GSE1: variants seen among roughly 807,000 people sequenced by gnomAD.
The protein encoded by GSE1 is genetic suppressor element 1.
A neutral mutation model predicts 112.6 loss-of-function variants in GSE1; 32 were observed. The observed-to-expected ratio is 0.28, with a 90% CI of 0.21 to 0.38. The LOEUF (loss-of-function observed/expected upper bound fraction) is 0.38, where lower values mean the gene tolerates loss of function less well. Ranked by LOEUF, GSE1 falls within the 10% of genes least tolerant of loss-of-function variation. GSE1 has a pLI of 1.00. For synonymous variants in GSE1, 1,115 were observed against 735.6 expected (o/e 1.52, Z -8.35); for missense variants, 2,348 against 1,699.2 (o/e 1.38, Z -6.71).
chr16:85,552,612 G>A (rs1028265337), upstream of GSE1, among the ~76,000 whole-genome samples: 2 of 152,192 alleles, frequency 1.3e-5, no homozygotes, highest in African/African-American at 2.4e-5. Flanking sequence ...GATTACAGGC[G>A]TGAGCCACCG....
chr16:85,630,937 G>A (rs902924109), intron 1 of GSE1, among the ~76,000 whole-genome samples: 2 of 152,188 alleles, frequency 1.3e-5, no homozygotes, highest in African/African-American at 4.8e-5. Context: ...GCCTCTCCTG[G>A]GCTCATTGTG....
At chr16:85,629,413 G>T (rs1289650348) in intron 1 of GSE1, among the ~76,000 whole-genome samples, 1 of 152,160 alleles carries the variant, frequency 6.6e-6, no homozygotes, top group African/African-American at 2.4e-5. Flanking sequence ...ATGACCATAC[G>T]GTGCCCCACG....
rs2053526675 is a variant in GSE1, at chr16:85,673,789, C to T, written c.*1250C>T. The T allele has an allele frequency of 6.6e-6, 1 of 152,224 alleles. No homozygotes were observed. Among genetic ancestry groups the T allele is most frequent in the Admixed American group, 6.5e-5 (1 of 15,290 alleles). 9.4% of individuals were successfully genotyped at this position (152,224 alleles called of 1,614,324 possible). ...CCCATGTGTGACAGTCATGTGCACA[C>T]ATGGGCGGGGGCTTTTAAAAACCTT... On this transcript the variant is annotated 3_prime_UTR_variant, in exon 16 of 16. Transcript: ENST00000253458.
At chr16:85,650,367 C>T (rs1181259164) in intron 3 of GSE1, among the ~76,000 whole-genome samples, 2 of 152,180 alleles carry the variant, frequency 1.3e-5, no homozygotes, top group African/African-American at 4.8e-5. Context: ...TGGGGCCTGG[C>T]TGCTGGTGCC....
At chr16:85,635,736 G>T (rs1374401395) in intron 2 of GSE1, among the ~76,000 whole-genome samples, 3 of 152,212 alleles carry the variant, frequency 2.0e-5, no homozygotes, top group Non-Finnish European at 4.4e-5. Context: ...GTGCTACCTG[G>T]GCTGGGTTAT....
chr16:85,463,255 C>T (rs1380227946), intron 2 of GSE1: 2 of 244,968 alleles, frequency 8.2e-6, no homozygotes, highest in African/African-American at 4.6e-5. Flanking sequence ...CCAGCCCCAT[C>T]ACCTTCAGGC....
intron 2 of GSE1, among the ~76,000 whole-genome samples, chr16:85,488,943 G>A (rs1326101897): frequency 6.6e-6 from 1 of 152,050 alleles, no homozygotes; most frequent in Non-Finnish European, 1.5e-5. Flanking sequence ...CAACAGCCCT[G>A]GCCTTTCGTT....
chr16:85,410,948 G>GGT (rs1394671453), intron 2 of GSE1, among the ~76,000 whole-genome samples: 4 of 49,772 alleles, frequency 8.0e-5, no homozygotes, highest in South Asian at 7.4e-4. Context: ...TTACACTCAG[G>GGT]CCCCCGGATA....
At chr16:85,236,373 C>G (rs938698005) in intron 1 of GSE1, among the ~76,000 whole-genome samples, 3 of 152,320 alleles carry the variant, frequency 2.0e-5, no homozygotes, top group Admixed American at 2.0e-4. Context: ...TTCACATCCC[C>G]CAAGTTGCAT....
At chr16:85,638,994 C>T (rs754646689) in intron 2 of GSE1, among the ~76,000 whole-genome samples, 13 of 152,118 alleles carry the variant, frequency 8.5e-5, no homozygotes, top group African/African-American at 2.4e-4. Flanking sequence ...TTGGAGTGCC[C>T]GGGCCCCACG....
chr16:85,674,133 G>C lies in GSE1; in HGVS notation c.*1594G>C, dbSNP rs998835252. 1.3e-5 allele frequency: 2 copies of C among 152,218 alleles called. No homozygotes were observed. Among genetic ancestry groups the C allele is most frequent in the Admixed American group, 6.5e-5 (1 of 15,286 alleles). The allele number at this position is 152,218 out of a possible 1,614,324, so 9.4% of individuals were successfully genotyped here. ...GCCAGGGCTGCCAGTCACTGGTCTG[G>C]GGGGTGGAGGCCTGAGCTGAGGGCA... On this transcript the variant is annotated 3_prime_UTR_variant, in exon 16 of 16. Coordinates refer to ENST00000253458, the MANE Select transcript of GSE1 (RefSeq NM_014615.5).
intron 2 of GSE1, among the ~76,000 whole-genome samples, chr16:85,647,676 T>C (rs2050990095): frequency 6.6e-6 from 1 of 152,070 alleles, no homozygotes; most frequent in Non-Finnish European, 1.5e-5. Context: ...AACCTCCGCC[T>C]CCCGGGTTCA....
At chr16:85,582,818 AT>A (rs1166289824) in intron 1 of GSE1, among the ~76,000 whole-genome samples, 1 of 152,172 alleles carries the variant, frequency 6.6e-6, no homozygotes, top group Non-Finnish European at 1.5e-5. Flanking sequence ...CCGCCTTGTC[AT>A]TTAGCTGTTC....
chr16:85,478,851 CTTTCTTTCTTTCT>C (rs1567520227), intron 2 of GSE1, among the ~76,000 whole-genome samples: 1 of 10,730 alleles, frequency 9.3e-5, no homozygotes, highest in Non-Finnish European at 1.7e-4. Flanking sequence ...TTCTTTCTTT[CTTTCTTTCTTTCT>C]TTCTTTCTTT....
At chr16:85,463,052 C>G (rs918922592) in intron 2 of GSE1, 3 of 981,762 alleles carry the variant, frequency 3.1e-6, no homozygotes, top group South Asian at 4.7e-5. Context: ...CCTAGAGGCC[C>G]CGGGTCCCGC....
rs2045814154 is a variant in GSE1 at position 85,310,663 on chromosome 16, A to G, written c.2284-46800A>G. On this transcript the variant is annotated intron_variant, in intron 1 of 2. Transcript: ENST00000637419. ...AGCCATCCCAGGCTGGCAGGGAGGGAGGGAGGGAGCAGGAGGGCCCGCTGG... is the reference window on the plus strand; with the variant it reads ...AGCCATCCCAGGCTGGCAGGGAGGGGGGGAGGGAGCAGGAGGGCCCGCTGG... 2.6e-5 allele frequency among the ~76,000 whole-genome samples: 4 copies of G among 151,842 alleles called. No homozygotes were observed. The South Asian group carries it at 8.3e-4, about 32-fold the overall frequency.
At chr16:85,438,678 C>T (rs2049307821) in intron 2 of GSE1, among the ~76,000 whole-genome samples, 1 of 152,186 alleles carries the variant, frequency 6.6e-6, no homozygotes, top group African/African-American at 2.4e-5. Context: ...CCTCTTGGGC[C>T]TCTGTTTTTT....
At chr16:85,207,159 G>A (rs2075132834) in intron 1 of GSE1, among the ~76,000 whole-genome samples, 1 of 152,120 alleles carries the variant, frequency 6.6e-6, no homozygotes, top group African/African-American at 2.4e-5. Context: ...CCACCTTCAG[G>A]GAGGCAGAAT....
intron 1 of GSE1, among the ~76,000 whole-genome samples, chr16:85,220,158 T>G (rs1446253767): frequency 1.3e-5 from 2 of 152,226 alleles, no homozygotes; most frequent in Non-Finnish European, 2.9e-5. Context: ...CCAAAACATT[T>G]TCCCCTCTGG....
Sources: gnomAD v4.1 joint callset for allele counts (sites outside exome capture counted in the v4.1 genomes callset) on GRCh38, gnomAD v4.1.1 for gene constraint, MANE v1.5 for transcripts, NCBI Gene and HGNC (gene_info 2026-07-23, HGNC 2026-07-21) for gene names.